Variants in CIC observed in about 807,000 individuals in gnomAD.
CIC encodes the protein protein capicua homolog.
Under a neutral mutation model 115.7 loss-of-function variants are expected in CIC, and 18 were observed. That is an observed-to-expected ratio of 0.16 (90% CI 0.11 to 0.23). The LOEUF (loss-of-function observed/expected upper bound fraction) is 0.23. Ranked by LOEUF, CIC falls within the 10% of genes least tolerant of loss-of-function variation. The pLI is 1.00. For missense variants in CIC, 2,000 were observed against 2,159.3 expected (o/e 0.93, Z 1.46); for synonymous variants, 1,076 against 923.0 (o/e 1.17, Z -3.01).
Position 42,286,932 on chromosome 19 carries a change from T to C in CIC, c.2944+12T>C. ...CAACCAGAGCAAAGGTGAGGGCTGG[T>C]GGGGACTGGGGGGAGGCAAGGGTGT... On this transcript the variant is annotated intron_variant, in intron 3 of 20. Transcript: ENST00000681038. 1.2e-6 allele frequency: 2 copies of C among 1,609,440 alleles called. No individual in the cohort carries two copies. Among genetic ancestry groups the C allele is most frequent in the Non-Finnish European group, 1.7e-6 (2 of 1,179,454 alleles).
chr19:42,293,321 G>A lies in CIC; in HGVS notation c.6522+40G>A, dbSNP rs2075086. The A allele has an allele frequency of 1.8e-4, 280 of 1,532,862 alleles. No individual in the cohort carries two copies. The East Asian group carries it at 5.7e-3, about 31-fold the overall frequency. The allele number at this position is 1,532,862 out of a possible 1,614,324, so 95.0% of individuals were successfully genotyped here. On this transcript the variant is annotated intron_variant, in intron 16 of 20. Coordinates refer to ENST00000681038, the MANE Select transcript of CIC (RefSeq NM_001386298.1). ...GCCGTGGGGCTCCCACTGCCACTTGGCTGTGCCTCTCCATTGACGTCTTTG... is the reference window on the plus strand; with the variant it reads ...GCCGTGGGGCTCCCACTGCCACTTGACTGTGCCTCTCCATTGACGTCTTTG...
Position 42,294,095 on chromosome 19 carries a change from C to G in CIC, c.6922+6C>G. 6.2e-7 allele frequency: 1 copy of G among 1,613,568 alleles called. No homozygotes were observed. Among genetic ancestry groups the G allele is most frequent in the Non-Finnish European group, 8.5e-7 (1 of 1,180,022 alleles). On this transcript the variant is annotated splice_donor_region_variant and intron_variant, in intron 18 of 20. Coordinates refer to ENST00000681038, the MANE Select transcript of CIC (RefSeq NM_001386298.1). ...GAAGAGGAAGAACTCCACGGGTAGGCGAGCATTGGGCACCCAGGGTCCTTA... is the reference window on the plus strand; with the variant it reads ...GAAGAGGAAGAACTCCACGGGTAGGGGAGCATTGGGCACCCAGGGTCCTTA...
intron 17 of CIC, 36 bp from the exon 18 acceptor site, chr19:42,293,899 G>T (rs777464970): frequency 1.9e-6 from 3 of 1,612,958 alleles, no homozygotes; most frequent in Non-Finnish European, 2.5e-6. Flanking sequence ...GCAGCTGCAG[G>T]CTGAGGCGGG....
chr19:42,292,262 G>A (rs1286312058), intron 13 of CIC, 38 bp from the exon 14 acceptor site: 2 of 1,613,674 alleles, frequency 1.2e-6, no homozygotes, highest in African/African-American at 1.3e-5. Context: ...GGCGGGGCCG[G>A]CTTACCTCAC....
Position 42,287,421 on chromosome 19 carries a change from C to G in CIC, c.3281C>G (p.Ser1094Cys), listed in dbSNP as rs770380344. 1.2e-6 allele frequency: 2 copies of G among 1,613,866 alleles called. No homozygotes were observed. The highest frequency in any genetic ancestry group is 1.7e-5 in the Admixed American group (1 of 60,008). Residue 1094 changes from serine to cysteine, a missense_variant, in exon 5 of 21, where the codon TCT becomes TGT. Physicochemically the swap from Ser to Cys is moderately radical, Grantham distance 112 (BLOSUM62 -1). Transcript: ENST00000681038. The surrounding 1 kb of genome is among the most constrained non-coding windows in gnomAD (Gnocchi z 8.7). ...CTACCCAAGGAACGGGACTCATCTTCTGAGAAGGATGGACGCAGCCCCAAC... is the reference window on the plus strand; with the variant it reads ...CTACCCAAGGAACGGGACTCATCTTGTGAGAAGGATGGACGCAGCCCCAAC... ...SALPKERDSS[S>C]EKDGRSPNKR...
At chr19:42,282,410 C>T (rs1035029465) in intron 2 of CIC, among the ~76,000 whole-genome samples, 3 of 152,232 alleles carry the variant, frequency 2.0e-5, no homozygotes, top group Non-Finnish European at 2.9e-5. Context: ...CCTTTACGTG[C>T]CCAAGTGTGT....
chr19:42,292,687 C>T lies in CIC; in HGVS notation c.6024C>T (p.Ser2008=). 1.9e-6 allele frequency: 3 copies of T among 1,613,882 alleles called. No homozygotes were observed. The highest frequency in any genetic ancestry group is 2.2e-5 in the South Asian group (2 of 91,086). ...GPVITAFYSG[S]PAPTSSAPLA... ...TCATAACAGCATTTTACTCTGGCAG[C>T]CCTGCACCCACCTCCTCAGCACCCC... is the stretch of plus-strand genomic sequence containing the variant. Residue 2008 remains serine (S), a synonymous_variant, in exon 15 of 21, where the codon AGC becomes AGT. Transcript: ENST00000681038.
intron 16 of CIC, 96 bp downstream of exon 16, chr19:42,293,377 G>A: frequency 1.4e-6 from 2 of 1,400,516 alleles, no homozygotes; most frequent in South Asian, 1.2e-5. Context: ...TTCCATGCCT[G>A]TGTGTCTCTC....
intron 2 of CIC, among the ~76,000 whole-genome samples, chr19:42,281,359 C>T (rs1362809508): frequency 6.6e-6 from 1 of 152,206 alleles, no homozygotes; most frequent in Non-Finnish European, 1.5e-5. Context: ...CCCCAGGCCT[C>T]TGGGCAGGCC....
At chr19:42,282,545 C>T (rs1457380931) in intron 2 of CIC, among the ~76,000 whole-genome samples, 9 of 152,246 alleles carry the variant, frequency 5.9e-5, no homozygotes, top group Admixed American at 3.9e-4. Flanking sequence ...CCCCCCTCGC[C>T]TTTCTGTGGT....
intron 2 of CIC, among the ~76,000 whole-genome samples, chr19:42,281,730 C>G (rs1222257985): frequency 6.6e-6 from 1 of 152,236 alleles, no homozygotes; most frequent in African/African-American, 2.4e-5. Flanking sequence ...CCCGGATTCC[C>G]GCCCCTCCCT....
In CIC at chr19:42,287,928, C is replaced by A. The variant is rs141544536; in HGVS notation, c.3611C>A (p.Thr1204Lys). 3.0e-5 allele frequency: 49 copies of A among 1,606,952 alleles called. No homozygotes were observed. Among genetic ancestry groups the A allele is most frequent in the Non-Finnish European group, 3.7e-5 (44 of 1,177,096 alleles). ...SLGLAGGHKETRERSMSETGT... is the reference protein window; with the variant it reads ...SLGLAGGHKEKRERSMSETGT... Reference sequence around the variant, plus strand: ...GGGCTGGCAGGAGGGCACAAGGAGACGCGGGAGCGGAGCATGTCGGAGACG... The same window carrying A: ...GGGCTGGCAGGAGGGCACAAGGAGAAGCGGGAGCGGAGCATGTCGGAGACG... Residue 1204 changes from threonine (T) to lysine (K), a missense_variant, in exon 7 of 21, where the codon ACG (threonine) becomes AAG (lysine). Coordinates refer to ENST00000681038, the MANE Select transcript of CIC (RefSeq NM_001386298.1). The surrounding 1 kb of genome is among the most constrained non-coding windows in gnomAD (Gnocchi z 8.7).
intron 2 of CIC, among the ~76,000 whole-genome samples, chr19:42,277,610 CAAT>C (rs2037034713): frequency 6.6e-6 from 1 of 152,230 alleles, no homozygotes; most frequent in Non-Finnish European, 1.5e-5. Context: ...ACAATGATAA[CAAT>C]AATACCTACT....
At position 42,289,384 on chromosome 19, in the gene CIC, G is replaced by A; in HGVS notation, c.4065G>A (p.Glu1355=). The change falls in exon 9 of 21, where the codon GAG becomes GAA. Residue 1355 remains glutamate (E), a synonymous_variant. Coordinates refer to ENST00000681038, the MANE Select transcript of CIC (RefSeq NM_001386298.1). ...AGGAGCGCATGGTCATCTGTGAGGA[G>A]GAAGGGGATGATGATGTCATTGGTG... ...SDEERMVICE[E]EGDDDVIADD... The A allele has an allele frequency of 4.4e-6, 7 of 1,597,516 alleles. No individual in the cohort carries two copies. The highest frequency in any genetic ancestry group is 4.3e-6 in the Non-Finnish European group (5 of 1,171,842).
rs2038240917 is a variant in CIC at position 42,292,854 on chromosome 19, C to T, written c.6191C>T (p.Ala2064Val). Residue 2064 changes from alanine (A) to valine (V), a missense_variant, in exon 15 of 21, where the codon GCC (alanine) becomes GTC (valine). Coordinates refer to ENST00000681038, the MANE Select transcript of CIC (RefSeq NM_001386298.1). Reference protein sequence around the residue: ...TPAPTSPFPSATAGSMTYSLV... With the variant: ...TPAPTSPFPSVTAGSMTYSLV... The stretch of plus-strand genomic sequence containing the variant: ...GCCCCGACTAGCCCTTTCCCCAGCG[C>T]CACAGGTAGGTGTCAGATCAACCCA... The T allele has an allele frequency of 4.3e-6, 7 of 1,613,824 alleles. No individual in the cohort carries two copies. Among genetic ancestry groups the T allele is most frequent in the Non-Finnish European group, 5.9e-6 (7 of 1,180,018 alleles).
chr19:42,292,751 A>G lies in CIC; in HGVS notation c.6088A>G (p.Thr2030Ala), dbSNP rs779481484. ...CCAGGCCCCCCCAAGCCTGGTCTAC[A>G]CTGTGGCCACCAGCACAACCCCACC... ...PSQAPPSLVY[T>A]VATSTTPPAA... Residue 2030 changes from threonine to alanine, a missense_variant, in exon 15 of 21, where the codon ACT becomes GCT. Coordinates refer to ENST00000681038, the MANE Select transcript of CIC (RefSeq NM_001386298.1). 6.2e-6 allele frequency: 10 copies of G among 1,612,684 alleles called. No homozygotes were observed. In the South Asian group the frequency reaches 7.7e-5, roughly 12 times the overall value.
Position 42,293,089 on chromosome 19 carries a change from C to A in CIC, c.6330C>A (p.Gly2110=). 7.5e-6 allele frequency: 12 copies of A among 1,610,318 alleles called. No homozygotes were observed. The highest frequency in any genetic ancestry group is 1.1e-5 in the South Asian group (1 of 90,870). Residue 2110 remains glycine, a synonymous_variant, in exon 16 of 21, where the codon GGC becomes GGA. Coordinates refer to ENST00000681038, the MANE Select transcript of CIC (RefSeq NM_001386298.1). ...AGGCAGGTGCCTCTGGGCGGCCTGG[C>A]CCTGCACCCCGGCAGCCTCTGGAGC... is the stretch of plus-strand genomic sequence containing the variant. ...SFEAGASGRP[G]PAPRQPLEPG...
chr19:42,291,215 T>G lies in CIC; in HGVS notation c.5174T>G (p.Leu1725Arg). ...CTGGGCATCCTGCAACCAGGTGCCC[T>G]GGGCAAGGCTGGGGGAATCACCCAG... ...VPLGILQPGA[L>R]GKAGGITQVQ... is the part of the protein sequence containing the mutation. The change falls in exon 11 of 21, where the codon CTG becomes CGG. Residue 1725 changes from leucine to arginine, a missense_variant. Around this residue, in one of 8 missense-constraint regions of CIC, gnomAD observed 1,466 missense variants for 1,390.4 expected, o/e 1.05. Transcript: ENST00000681038. The G allele has an allele frequency of 6.2e-7, 1 of 1,610,764 alleles. No homozygotes were observed. The highest frequency in any genetic ancestry group is 8.5e-7 in the Non-Finnish European group (1 of 1,178,802).
intron 2 of CIC, among the ~76,000 whole-genome samples, chr19:42,275,901 G>A (rs1444552364): frequency 6.6e-6 from 1 of 152,162 alleles, no homozygotes; most frequent in Non-Finnish European, 1.5e-5. Context: ...TGGTGCTGAG[G>A]ACACAGCCCT....
Sources: allele counts gnomAD v4.1 joint callset (sites outside exome capture counted in the v4.1 genomes callset), GRCh38; gene constraint gnomAD v4.1.1; regional missense constraint gnomAD v4.1.1; non-coding constraint Gnocchi (gnomAD v3.1); transcripts MANE v1.5; gene names NCBI Gene and HGNC (gene_info 2026-07-23, HGNC 2026-07-21).